BLCAP: variants seen among roughly 807,000 people sequenced by gnomAD.
BLCAP encodes apoptosis inducing factor BLCAP.
A neutral mutation model predicts 5.7 loss-of-function variants in BLCAP; 1 was observed. The observed-to-expected ratio is 0.18, with a 90% confidence interval of 0.06 to 0.83. The LOEUF (loss-of-function observed/expected upper bound fraction) is 0.83. BLCAP is among the 40% of genes least tolerant of loss of function. The pLI is 0.71. For missense variants in BLCAP, 66 were observed against 107.6 expected (o/e 0.61, Z 1.71); for synonymous variants, 48 against 49.4 (o/e 0.97, Z 0.11).
chr20:37,526,273 C>CT (rs1258471898), intron 1 of BLCAP, among the ~76,000 whole-genome samples: 3 of 11,500 alleles, frequency 2.6e-4, no homozygotes, highest in Non-Finnish European at 7.2e-4. Flanking sequence ...AGTTAACTTC[C>CT]CCCCCCCACC....
rs939394769 is a variant in BLCAP, at chr20:37,525,178, A to G, written c.-177+2615T>C. ...ACTGGGAGTTTCTGTGGTTTTCCAC[A>G]CTAAACCCACAGAATCATGAACATA... On this transcript the variant is annotated intron_variant, in intron 1 of 1. Transcript: ENST00000373537. Among the ~76,000 whole-genome samples the G allele has an allele frequency of 7.9e-5, 12 of 152,266 alleles. 1 individual carries two copies. Among genetic ancestry groups the G allele is most frequent in the African/African-American group, 2.9e-4 (12 of 41,554 alleles).
chr20:37,525,841 C>G (rs991468628), intron 1 of BLCAP, among the ~76,000 whole-genome samples: 2 of 152,242 alleles, frequency 1.3e-5, no homozygotes, highest in South Asian at 2.1e-4. Flanking sequence ...CCTAAACCAT[C>G]ATTGCTCCCA....
At position 37,521,222 on chromosome 20, in the gene BLCAP, C is replaced by A; in HGVS notation, c.-176-1872G>T. 1 of 1,174,174 alleles carries A rather than the reference C, an allele frequency of 8.5e-7. No individual in the cohort carries two copies. The allele number at this position is 1,174,174 out of a possible 1,614,324, so 72.7% of individuals were successfully genotyped here. Reference sequence around the variant, plus strand: ...TGCGCACTTAGGTGGCGGGCGGGTACTTAAGGCGCGGCCACCGCGGCTGCG... The same window carrying A: ...TGCGCACTTAGGTGGCGGGCGGGTAATTAAGGCGCGGCCACCGCGGCTGCG... On this transcript the variant is annotated intron_variant, in intron 1 of 1. Coordinates refer to ENST00000373537, the MANE Select transcript of BLCAP (RefSeq NM_006698.4). This position sits in a 1 kb window ranked among gnomAD's most constrained non-coding sequence, Gnocchi z 4.5.
chr20:37,519,106 G>A lies in BLCAP; in HGVS notation c.69C>T (p.Phe23=), dbSNP rs745318547. 3.0e-5 allele frequency: 49 copies of A among 1,613,090 alleles called. No individual in the cohort carries two copies. The highest frequency in any genetic ancestry group is 4.0e-5 in the Non-Finnish European group (47 of 1,179,698). ...AGAAGCCCATGAACATGGAGTGGCTGAACCACAGGGCGGGGTTGAGGGGCT... is the reference window on the plus strand; with the variant it reads ...AGAAGCCCATGAACATGGAGTGGCTAAACCACAGGGCGGGGTTGAGGGGCT... ...IPKPLNPALW[F]SHSMFMGFYL... The change falls in exon 2 of 2, where the codon TTC becomes TTT. Residue 23 remains phenylalanine, a synonymous_variant. Coordinates refer to ENST00000373537, the MANE Select transcript of BLCAP (RefSeq NM_006698.4).
At chr20:37,523,535 T>C (rs1470501919) in intron 1 of BLCAP, 68 of 152,676 alleles carry the variant, frequency 4.5e-4, no homozygotes, top group Non-Finnish European at 7.3e-5. Context: ...TAATCGCTAA[T>C]TGTACTGATT....
chr20:37,518,735 G>A lies in BLCAP; in HGVS notation c.*176C>T, dbSNP rs1369138652. On this transcript the variant is annotated 3_prime_UTR_variant, in exon 2 of 2. Transcript: ENST00000373537. ...ACGACTATAGGACTTTACAATAAAA[G>A]CACCGGTCAGTGCCATTATTCACAT... The A allele has an allele frequency of 6.5e-5, 59 of 902,746 alleles. No individual in the cohort carries two copies. The highest frequency in any genetic ancestry group is 8.9e-5 in the Non-Finnish European group (54 of 607,116). 55.9% of individuals were successfully genotyped at this position (902,746 alleles called of 1,614,324 possible).
At chr20:37,527,390 A>G (rs2071742625) in intron 1 of BLCAP, among the ~76,000 whole-genome samples, 1 of 127,748 alleles carries the variant, frequency 7.8e-6, no homozygotes, top group African/African-American at 2.9e-5. Context: ...AAAGCAACGC[A>G]ACTAAACTGA....
In BLCAP at chr20:37,522,072, A is replaced by C. The variant is rs1358026016; in HGVS notation, c.-176-2722T>G. The stretch of plus-strand genomic sequence containing the variant: ...ATTAGACAAGGGAGCTAACGGAAAA[A>C]AATGGATCGGGCAAAAACGCTTTAA... On this transcript the variant is annotated intron_variant, in intron 1 of 1. Coordinates refer to ENST00000373537, the MANE Select transcript of BLCAP (RefSeq NM_006698.4). 2.0e-5 allele frequency among the ~76,000 whole-genome samples: 3 copies of C among 151,696 alleles called. No homozygotes were observed. The East Asian group carries it at 5.8e-4, about 29-fold the overall frequency.
At chr20:37,522,084 CAAA>C (rs1327530373) in intron 1 of BLCAP, among the ~76,000 whole-genome samples, 1 of 132,358 alleles carries the variant, frequency 7.6e-6, no homozygotes, top group African/African-American at 2.9e-5. Flanking sequence ...ATGGATCGGG[CAAA>C]AACGCTTTAA....
At chr20:37,522,633 C>G (rs1023237588) in intron 1 of BLCAP, 27 of 1,584,042 alleles carry the variant, frequency 1.7e-5, no homozygotes, top group Non-Finnish European at 2.3e-5. Flanking sequence ...TGGGTGCTCT[C>G]CACTAAGGGT....
rs750478920 is a variant in BLCAP, at chr20:37,519,021, C to A, written c.154G>T (p.Ala52Ser). The A allele has an allele frequency of 1.9e-6, 3 of 1,614,034 alleles. No individual in the cohort carries two copies. In the South Asian group the frequency reaches 3.3e-5, roughly 18 times the overall value. The part of the protein sequence containing the change: ...PCTICALVFL[A>S]ALFLICYSCW... ...CTATAGCAGATAAGGAACAGGGCTG[C>A]CAGGAAAACCAAGGCACAAATTGTG... The change falls in exon 2 of 2, where the codon GCA becomes TCA. Residue 52 changes from alanine (A) to serine (S), a missense_variant. Physicochemically the swap from Ala to Ser is moderately conservative, Grantham distance 99 (BLOSUM62 1). Transcript: ENST00000373537.
intron 1 of BLCAP, 76 bp from the exon 2 acceptor site, chr20:37,519,426 A>AAAAAAAAAG (rs2071491738): frequency 4.7e-4 from 21 of 44,630 alleles, no homozygotes; most frequent in South Asian, 1.5e-3. Flanking sequence ...AAAAAAAAGA[A>AAAAAAAAAG]AAAAAAAAAA....
chr20:37,520,986 C>T (rs917750552), intron 1 of BLCAP, among the ~76,000 whole-genome samples: 2 of 152,156 alleles, frequency 1.3e-5, no homozygotes, highest in Non-Finnish European at 2.9e-5. Context: ...CCCCCATTCT[C>T]GCCCTGTACT....
chr20:37,521,688 G>A lies in BLCAP; in HGVS notation c.-176-2338C>T, dbSNP rs1251610750. ...CACCCAGGCATTTAGCGACCTACGCGGTAAGAAAAACCCGCTACACCCGGA... is the reference window on the plus strand; with the variant it reads ...CACCCAGGCATTTAGCGACCTACGCAGTAAGAAAAACCCGCTACACCCGGA... On this transcript the variant is annotated intron_variant, in intron 1 of 1. Transcript: ENST00000373537. This position sits in a 1 kb window ranked among gnomAD's most constrained non-coding sequence, Gnocchi z 4.5. 9.6e-6 allele frequency: 4 copies of A among 417,602 alleles called. No individual in the cohort carries two copies. The highest frequency in any genetic ancestry group is 1.7e-5 in the Non-Finnish European group (4 of 228,796). The allele number at this position is 417,602 out of a possible 1,614,324, so 25.9% of individuals were successfully genotyped here. A position where few individuals can be genotyped will look rare whatever the true frequency, so the allele number is the denominator to read the frequency against.
rs1601095950 is a variant in BLCAP at position 37,522,962 on chromosome 20, C to T, written c.-176-3612G>A. The T allele has an allele frequency of 5.6e-6, 3 of 537,160 alleles. No individual in the cohort carries two copies. In the East Asian group the frequency reaches 9.1e-5, roughly 16 times the overall value. 33.3% of individuals were successfully genotyped at this position (537,160 alleles called of 1,614,324 possible). A position where few individuals can be genotyped will look rare whatever the true frequency, so the allele number is the denominator to read the frequency against. On this transcript the variant is annotated intron_variant, in intron 1 of 1. Coordinates refer to ENST00000373537, the MANE Select transcript of BLCAP (RefSeq NM_006698.4). ...GAAGATACCAGATCCCTTCCCAACC[C>T]CTTTGCACCGGTCCCACTAAGGGGC...
At chr20:37,523,684 A>G (rs3178311) in intron 1 of BLCAP, 1 of 152,654 alleles carries the variant, frequency 6.6e-6, no homozygotes, top group Admixed American at 6.5e-5. Flanking sequence ...GTAGAGGCGC[A>G]CCAAAACTTT....
intron 1 of BLCAP, among the ~76,000 whole-genome samples, chr20:37,527,252 G>A (rs1479865591): frequency 1.3e-5 from 2 of 152,108 alleles, no homozygotes; most frequent in African/African-American, 2.4e-5. Flanking sequence ...AAAGTTGGAG[G>A]GAGTAAGAAG....
At chr20:37,526,271 T>TCCCCCCCCCCCCCCCCCCCCCCCC (rs11477433) in intron 1 of BLCAP, among the ~76,000 whole-genome samples, 49 of 125,180 alleles carry the variant, frequency 3.9e-4, no homozygotes, top group Middle Eastern at 3.6e-3. Context: ...GCAGTTAACT[T>TCCCCCCCCCCCCCCCCCCCCCCCC]CCCCCCCCCA....
At position 37,521,206 on chromosome 20, in the gene BLCAP, A is replaced by G; in HGVS notation, c.-176-1856T>C. On this transcript the variant is annotated intron_variant, in intron 1 of 1. Coordinates refer to ENST00000373537, the MANE Select transcript of BLCAP (RefSeq NM_006698.4). This position sits in a 1 kb window ranked among gnomAD's most constrained non-coding sequence, Gnocchi z 4.5. ...CCCCCCAAGGCGCGCATGCGCACTT[A>G]GGTGGCGGGCGGGTACTTAAGGCGC... The G allele has an allele frequency of 3.2e-6, 3 of 926,140 alleles. No homozygotes were observed. Among genetic ancestry groups the G allele is most frequent in the Non-Finnish European group, 5.3e-6 (3 of 569,806 alleles). The allele number at this position is 926,140 out of a possible 1,614,324, so 57.4% of individuals were successfully genotyped here. A position where few individuals can be genotyped will look rare whatever the true frequency, so the allele number is the denominator to read the frequency against.
Sources: allele counts gnomAD v4.1 joint callset (sites outside exome capture counted in the v4.1 genomes callset), GRCh38; gene constraint gnomAD v4.1.1; non-coding constraint Gnocchi (gnomAD v3.1); transcripts MANE v1.5; gene names NCBI Gene and HGNC (gene_info 2026-07-23, HGNC 2026-07-21).